KPNA5: variants seen among roughly 807,000 people sequenced by gnomAD.
KPNA5 encodes the protein karyopherin subunit alpha 5.
Under a neutral mutation model 71.3 loss-of-function variants are expected in KPNA5, and 46 were observed. The observed-to-expected ratio is 0.65, with a 90% CI of 0.51 to 0.83. The LOEUF (loss-of-function observed/expected upper bound fraction) is 0.83, where lower values mean the gene tolerates loss of function less well. Among genes scored for constraint, KPNA5 ranks in the 40% least tolerant of loss-of-function variants. The pLI is 0.00. For synonymous variants in KPNA5, 207 were observed against 201.4 expected (o/e 1.03, Z -0.24); for missense variants, 547 against 628.3 (o/e 0.87, Z 1.38).
At chr6:116,709,733 A>T (rs1396187689) in intron 7 of KPNA5, among the ~76,000 whole-genome samples, 1 of 151,268 alleles carries the variant, frequency 6.6e-6, no homozygotes, top group Admixed American at 6.6e-5. Flanking sequence ...TTTTTGATAA[A>T]TGCCCTTTAT....
chr6:116,732,841 T>TA lies in KPNA5; in HGVS notation c.*521dup, dbSNP rs1484810095. On this transcript the variant is annotated 3_prime_UTR_variant, in exon 14 of 14. Coordinates refer to ENST00000368564, the MANE Select transcript of KPNA5 (RefSeq NM_001366306.2). ...TAGAATGTGAAAATATTTATTACCT[T>TA]AAATTATACATATCACTGTGCTGTA... 1 of 151,956 alleles carries TA rather than the reference T, an allele frequency of 6.6e-6. No individual in the cohort carries two copies. Among genetic ancestry groups the TA allele is most frequent in the Non-Finnish European group, 1.5e-5 (1 of 67,888 alleles). The allele number at this position is 151,956 out of a possible 1,614,324, so 9.4% of individuals were successfully genotyped here.
At position 116,740,402 on chromosome 6, in the gene KPNA5, T is replaced by C. The variant is rs1430832099; in HGVS notation, c.*8079T>C. 6.6e-6 allele frequency: 1 copy of C among 152,180 alleles called. No individual in the cohort carries two copies. The highest frequency in any genetic ancestry group is 2.4e-5 in the African/African-American group (1 of 41,438). The allele number at this position is 152,180 out of a possible 1,614,324, so 9.4% of individuals were successfully genotyped here. A position where few individuals can be genotyped will look rare whatever the true frequency, so the allele number is the denominator to read the frequency against. On this transcript the variant is annotated 3_prime_UTR_variant, in exon 14 of 14. Coordinates refer to ENST00000368564, the MANE Select transcript of KPNA5 (RefSeq NM_001366306.2). The stretch of plus-strand genomic sequence containing the variant: ...CACTTTTACACTGTTGGTGGGACTG[T>C]AAACTAGTTCAAGCATTGTGGAAGT...
chr6:116,705,677 T>C (rs1170740251), intron 7 of KPNA5, among the ~76,000 whole-genome samples: 2 of 152,146 alleles, frequency 1.3e-5, no homozygotes, highest in Non-Finnish European at 2.9e-5. Flanking sequence ...AGAAATGACA[T>C]AAAATTTTTT....
At chr6:116,683,896 CTTTTTTTTTTT>C (rs140446065) in intron 1 of KPNA5, among the ~76,000 whole-genome samples, 47 of 59,600 alleles carry the variant, frequency 7.9e-4, no homozygotes, top group African/African-American at 1.7e-3. Context: ...CGTGCCCGGC[CTTTTTTTTTTT>C]TTTTTTTTTT....
Position 116,722,304 on chromosome 6 carries a change from T to A in KPNA5, c.920+15T>A. On this transcript the variant is annotated intron_variant, in intron 9 of 13. Coordinates refer to ENST00000368564, the MANE Select transcript of KPNA5 (RefSeq NM_001366306.2). ...GAACTTTTGATGTAACTATAAATAA[T>A]TTATGCTTAATAATTGTATGATTGA... 6.3e-7 allele frequency: 1 copy of A among 1,583,344 alleles called. No homozygotes were observed. The highest frequency in any genetic ancestry group is 8.6e-7 in the Non-Finnish European group (1 of 1,159,568).
intron 4 of KPNA5, among the ~76,000 whole-genome samples, chr6:116,697,058 C>T (rs923250658): frequency 2.0e-5 from 3 of 151,968 alleles, no homozygotes; most frequent in African/African-American, 7.2e-5. Flanking sequence ...TTCCTTCTCT[C>T]TCATCTCTTT....
At chr6:116,707,523 G>A (rs951428875) in intron 7 of KPNA5, among the ~76,000 whole-genome samples, 1 of 152,086 alleles carries the variant, frequency 6.6e-6, no homozygotes, top group Non-Finnish European at 1.5e-5. Context: ...AAGTTTTATC[G>A]GAACACAGTC....
chr6:116,718,764 C>CT (rs200994704), intron 8 of KPNA5, among the ~76,000 whole-genome samples: 13 of 146,594 alleles, frequency 8.9e-5, no homozygotes, highest in South Asian at 2.2e-4. Context: ...TTGAAATTTT[C>CT]TTTTTTTTTT....
chr6:116,703,339 T>C (rs1030666036), intron 6 of KPNA5, among the ~76,000 whole-genome samples: 1 of 151,880 alleles, frequency 6.6e-6, no homozygotes, highest in African/African-American at 2.4e-5. Context: ...CTCGGCTCAC[T>C]GCAACTTCCA....
chr6:116,718,266 C>CTTT (rs555910312), intron 8 of KPNA5, among the ~76,000 whole-genome samples: 1 of 138,014 alleles, frequency 7.2e-6, no homozygotes, highest in South Asian at 2.3e-4. Context: ...TTTTTTTTTT[C>CTTT]TTTTTTTTTT....
chr6:116,681,916 A>T (rs1777374425), intron 1 of KPNA5, among the ~76,000 whole-genome samples: 1 of 152,056 alleles, frequency 6.6e-6, no homozygotes, highest in African/African-American at 2.4e-5. Flanking sequence ...TTCATCGATA[A>T]TACATAGGAG....
intron 4 of KPNA5, among the ~76,000 whole-genome samples, chr6:116,694,499 A>G (rs372084908): frequency 4.9e-4 from 75 of 152,188 alleles, no homozygotes; most frequent in South Asian, 1.2e-3. Flanking sequence ...CTTTGAAGCA[A>G]TTGTGAATGG....
At chr6:116,701,841 A>G (rs1330470018) in intron 5 of KPNA5, among the ~76,000 whole-genome samples, 178 bp from the exon 6 acceptor site, 1 of 151,936 alleles carries the variant, frequency 6.6e-6, no homozygotes, top group Non-Finnish European at 1.5e-5. Flanking sequence ...GTGATCTTTG[A>G]TGACAATTAC....
In KPNA5 at chr6:116,725,826, G is replaced by A. The variant is rs756731619; in HGVS notation, c.1075G>A (p.Ala359Thr). The A allele has an allele frequency of 6.2e-7, 1 of 1,613,298 alleles. No individual in the cohort carries two copies. Among genetic ancestry groups the A allele is most frequent in the African/African-American group, 1.3e-5 (1 of 74,886 alleles). The change falls in exon 11 of 14, where the codon GCC becomes ACC. Residue 359 changes from alanine (A) to threonine (T), a missense_variant. By Grantham distance (58) the Ala-to-Thr change is moderately conservative (BLOSUM62 0). Transcript: ENST00000368564. ...SSPKESIRKE[A>T]CWTVSNITAG... The stretch of plus-strand genomic sequence containing the variant: ...CCCAAAGGAGTCAATTAGAAAAGAA[G>A]CCTGCTGGACTGTTTCTAACATCAC...
chr6:116,707,193 T>G (rs1162760119), intron 7 of KPNA5, among the ~76,000 whole-genome samples: 1 of 152,078 alleles, frequency 6.6e-6, no homozygotes, highest in Non-Finnish European at 1.5e-5. Flanking sequence ...GCATTATTTG[T>G]TGTTCACATT....
In KPNA5 at chr6:116,729,557, C is replaced by T. The variant is rs1241083679; in HGVS notation, c.1254-6C>T. On this transcript the variant is annotated splice_region_variant and splice_polypyrimidine_tract_variant and intron_variant, in intron 12 of 13. Transcript: ENST00000368564. ...CCTGTTTCTTCTCTTTTATATTAATCTGAAGGTATTTGGTAGCTTTAGGCT... is the reference window on the plus strand; with the variant it reads ...CCTGTTTCTTCTCTTTTATATTAATTTGAAGGTATTTGGTAGCTTTAGGCT... 1 of 1,474,800 alleles carries T rather than the reference C, an allele frequency of 6.8e-7. No individual in the cohort carries two copies. Among genetic ancestry groups the T allele is most frequent in the East Asian group, 2.5e-5 (1 of 40,184 alleles). 91.4% of individuals were successfully genotyped at this position (1,474,800 alleles called of 1,614,324 possible).
At chr6:116,706,173 G>A (rs571141908) in intron 7 of KPNA5, among the ~76,000 whole-genome samples, 1 of 152,264 alleles carries the variant, frequency 6.6e-6, no homozygotes, top group South Asian at 2.1e-4. Flanking sequence ...GATTTATGTG[G>A]TATATAAATT....
At chr6:116,707,377 TTA>T (rs1396229687) in intron 7 of KPNA5, among the ~76,000 whole-genome samples, 5 of 152,190 alleles carry the variant, frequency 3.3e-5, no homozygotes, top group African/African-American at 1.2e-4. Flanking sequence ...TAACTCAACT[TTA>T]ATTTATAATG....
At chr6:116,704,342 A>G (rs1225941011) in intron 6 of KPNA5, among the ~76,000 whole-genome samples, 1 of 152,096 alleles carries the variant, frequency 6.6e-6, no homozygotes, top group African/African-American at 2.4e-5. Flanking sequence ...CCGACCTACT[A>G]TAGACAATTG....
Sources: gnomAD v4.1 joint callset for allele counts (sites outside exome capture counted in the v4.1 genomes callset) on GRCh38, gnomAD v4.1.1 for gene constraint, MANE v1.5 for transcripts, NCBI Gene and HGNC (gene_info 2026-07-23, HGNC 2026-07-21) for gene names.